ESRRG: variants seen among roughly 807,000 people sequenced by gnomAD.
The protein encoded by ESRRG is estrogen related receptor gamma, also known as estrogen-related receptor gamma.
In ESRRG, 13 loss-of-function variants were observed where a neutral mutation model predicts 44.0. That is an observed-to-expected ratio of 0.30 (90% CI 0.19 to 0.47). The LOEUF (loss-of-function observed/expected upper bound fraction) is 0.47, where lower values mean the gene tolerates loss of function less well. Among genes scored for constraint, ESRRG ranks in the 20% least tolerant of loss-of-function variants. ESRRG has a pLI of 1.00. For missense variants in ESRRG, 395 were observed against 580.6 expected (o/e 0.68, Z 3.29); for synonymous variants, 215 against 214.6 (o/e 1.00, Z -0.02).
chr1:216,573,653 A>G (rs2061222663), intron 3 of ESRRG, among the ~76,000 whole-genome samples: 1 of 151,930 alleles, frequency 6.6e-6, no homozygotes, highest in South Asian at 2.1e-4. Context: ...TGAGTGATTT[A>G]TAGAAATATC....
At chr1:216,896,512 G>A (rs1408927615) in intron 2 of ESRRG, among the ~76,000 whole-genome samples, 1 of 152,152 alleles carries the variant, frequency 6.6e-6, no homozygotes, top group Non-Finnish European at 1.5e-5. Context: ...GCAAACTAGA[G>A]ATAGGCAATG....
At chr1:216,918,114 G>T (rs556460022) in intron 2 of ESRRG, among the ~76,000 whole-genome samples, 1 of 152,278 alleles carries the variant, frequency 6.6e-6, no homozygotes, top group East Asian at 1.9e-4. Flanking sequence ...GCTAGAACAT[G>T]TTTTGCGAAA....
At chr1:217,090,250 A>G (rs1033438599), upstream of ESRRG, among the ~76,000 whole-genome samples, 19 of 152,068 alleles carry the variant, frequency 1.2e-4, no homozygotes, top group Non-Finnish European at 2.6e-4. Flanking sequence ...TTCAGTGCCA[A>G]CTGCTCCCTT....
intron 5 of ESRRG, among the ~76,000 whole-genome samples, chr1:216,540,143 G>A (rs573537114): frequency 6.6e-6 from 1 of 151,924 alleles, no homozygotes; most frequent in African/African-American, 2.4e-5. Flanking sequence ...GTAGCCTTGT[G>A]AGCCTTCTCT....
intron 2 of ESRRG, among the ~76,000 whole-genome samples, chr1:216,814,533 A>T (rs1368832053): frequency 6.6e-6 from 1 of 152,204 alleles, no homozygotes; most frequent in Non-Finnish European, 1.5e-5. Context: ...AGCAGCATAA[A>T]GATTTCTCAT....
At chr1:216,665,837 C>T (rs2073798662) in intron 2 of ESRRG, among the ~76,000 whole-genome samples, 1 of 152,132 alleles carries the variant, frequency 6.6e-6, no homozygotes, top group South Asian at 2.1e-4. Flanking sequence ...TATAAATCAG[C>T]TCCAATGACT....
intron 1 of ESRRG, among the ~76,000 whole-genome samples, chr1:217,027,314 C>T (rs1028632408): frequency 4.6e-5 from 7 of 152,108 alleles, no homozygotes; most frequent in African/African-American, 1.4e-4. Flanking sequence ...ATGACAAGCA[C>T]CCCCTTAGAG....
chr1:217,079,853 C>G (rs2091608372), intron 1 of ESRRG, among the ~76,000 whole-genome samples: 1 of 152,178 alleles, frequency 6.6e-6, no homozygotes, highest in African/African-American at 2.4e-5. Context: ...AAGTGCAGTT[C>G]CACAAGTGTT....
At chr1:216,837,941 A>G (rs772465535) in intron 2 of ESRRG, among the ~76,000 whole-genome samples, 4 of 152,188 alleles carry the variant, frequency 2.6e-5, no homozygotes, top group African/African-American at 7.2e-5. Context: ...TTAGGGTGGC[A>G]TGCAGCTACA....
intron 1 of ESRRG, among the ~76,000 whole-genome samples, chr1:217,047,799 G>T (rs778048277): frequency 4.6e-5 from 7 of 152,148 alleles, no homozygotes; most frequent in Non-Finnish European, 1.0e-4. Flanking sequence ...TGTACAAAGA[G>T]AGAAAAGGAA....
chr1:217,039,433 T>C (rs937973231), intron 1 of ESRRG, among the ~76,000 whole-genome samples: 2 of 152,156 alleles, frequency 1.3e-5, no homozygotes, highest in Non-Finnish European at 2.9e-5. Context: ...GGCCTCACAA[T>C]CATGGCATAA....
chr1:216,582,656 G>A (rs1433567908), intron 3 of ESRRG, among the ~76,000 whole-genome samples: 1 of 152,158 alleles, frequency 6.6e-6, no homozygotes, highest in Admixed American at 6.5e-5. Context: ...GGCCAGGCTG[G>A]TCTAAGTGGT....
At chr1:216,774,352 C>T (rs780941149) in intron 2 of ESRRG, among the ~76,000 whole-genome samples, 12 of 152,230 alleles carry the variant, frequency 7.9e-5, no homozygotes, top group Middle Eastern at 6.8e-3. Context: ...TAGAGTGCTG[C>T]TCATGTCATG....
At chr1:217,064,209 A>T (rs1207633680) in intron 1 of ESRRG, among the ~76,000 whole-genome samples, 5 of 151,882 alleles carry the variant, frequency 3.3e-5, no homozygotes, top group Admixed American at 6.6e-5. Flanking sequence ...GTATGTGTAT[A>T]TATGTTGTAT....
intron 1 of ESRRG, among the ~76,000 whole-genome samples, chr1:217,030,757 C>T (rs2081956104): frequency 6.6e-6 from 1 of 152,240 alleles, no homozygotes; most frequent in African/African-American, 2.4e-5. Context: ...CATGCAGTGA[C>T]TATTGAGCAC....
chr1:216,663,507 A>G (rs1437149980), intron 2 of ESRRG, among the ~76,000 whole-genome samples: 2 of 152,198 alleles, frequency 1.3e-5, no homozygotes, highest in Non-Finnish European at 1.5e-5. Context: ...TATTCTTTCT[A>G]GTATTATCAG....
intron 1 of ESRRG, among the ~76,000 whole-genome samples, chr1:217,132,950 G>T (rs1301907846): frequency 6.6e-6 from 1 of 152,106 alleles, no homozygotes; most frequent in Non-Finnish European, 1.5e-5. Context: ...TCCATACCCC[G>T]AAAGTTTCTT....
chr1:217,045,688 C>T (rs959397981), intron 1 of ESRRG, among the ~76,000 whole-genome samples: 5 of 152,124 alleles, frequency 3.3e-5, no homozygotes, highest in Non-Finnish European at 7.3e-5. Context: ...CCGGGCTTTT[C>T]CTAGATACGA....
At chr1:216,779,270 TTTATATTTATAAACATTATA>T (rs2093768337) in intron 2 of ESRRG, among the ~76,000 whole-genome samples, 1 of 46,152 alleles carries the variant, frequency 2.2e-5, no homozygotes, top group African/African-American at 1.2e-4. Context: ...TAAATATATA[TTTATATTTATAAACATTATA>T]TTTATATTTA....
Sources: allele counts gnomAD v4.1 joint callset (sites outside exome capture counted in the v4.1 genomes callset), GRCh38; gene constraint gnomAD v4.1.1; transcripts MANE v1.5; gene names NCBI Gene and HGNC (gene_info 2026-07-23, HGNC 2026-07-21).